KIDINS220: variants seen among roughly 807,000 people sequenced by gnomAD.
The protein encoded by KIDINS220 is kinase D interacting substrate 220, also known as kinase D-interacting substrate of 220 kDa.
KIDINS220 carries 63 observed loss-of-function variants against 157.6 expected under a neutral mutation model. The observed-to-expected ratio is 0.40, with a 90% CI of 0.33 to 0.49. The LOEUF is 0.49. KIDINS220 is among the 20% of genes least tolerant of loss of function. The pLI, the probability that KIDINS220 is intolerant of heterozygous loss-of-function variation, is 0.66. For missense variants in KIDINS220, 1,772 were observed against 2,171.2 expected, an observed-to-expected ratio of 0.82 and a Z score of 3.65; for synonymous variants, 732 against 783.6, an observed-to-expected ratio of 0.93 and a Z score of 1.10.
chr2:8,782,771 C>G (rs922689076), intron 17 of KIDINS220, among the ~76,000 whole-genome samples: 1 of 152,252 alleles, frequency 6.6e-6, no homozygotes, highest in Non-Finnish European at 1.5e-5. Flanking sequence ...ATGCAAAAAA[C>G]CTCAACAAAA....
intron 14 of KIDINS220, 68 bp downstream of exon 14, chr2:8,789,812 G>A: frequency 1.7e-6 from 2 of 1,180,660 alleles, no homozygotes; most frequent in Non-Finnish European, 2.4e-6. Context: ...TAAAGAAAAT[G>A]TTTTTTCTTT....
intron 29 of KIDINS220, among the ~76,000 whole-genome samples, chr2:8,732,978 T>A (rs759164989): frequency 1.3e-5 from 2 of 152,116 alleles, no homozygotes; most frequent in Non-Finnish European, 2.9e-5. Context: ...CGCGCCTACA[T>A]CTAATGCCAG....
chr2:8,746,903 A>G (rs907931676), intron 26 of KIDINS220: 6 of 455,070 alleles, frequency 1.3e-5, no homozygotes, highest in African/African-American at 1.2e-4. Flanking sequence ...AAGAATAAAA[A>G]AAAACCCCAT....
intron 20 of KIDINS220, among the ~76,000 whole-genome samples, chr2:8,777,810 T>G (rs1550251): frequency 0.99 from 151,384 of 152,328 alleles, 75,230 homozygotes; most frequent in Middle Eastern, 1. Flanking sequence ...GCACCCAAGG[T>G]TGCCAGGCAA....
At chr2:8,781,153 A>ATATATATAATATATATATAT (rs70946383) in intron 17 of KIDINS220, among the ~76,000 whole-genome samples, 4 of 130,394 alleles carry the variant, frequency 3.1e-5, no homozygotes, top group South Asian at 5.1e-4. Context: ...ATATATATAT[A>ATATATATAATATATATATAT]ATATATATAT....
At chr2:8,766,666 C>A (rs1315778298) in intron 22 of KIDINS220, among the ~76,000 whole-genome samples, 3 of 152,126 alleles carry the variant, frequency 2.0e-5, no homozygotes, top group Non-Finnish European at 4.4e-5. Context: ...TAAGCTTTCT[C>A]CCCTTAATTT....
downstream of KIDINS220, chr2:8,726,757 A>C (rs770319826): frequency 4.1e-5 from 17 of 415,714 alleles, no homozygotes; most frequent in Non-Finnish European, 7.4e-5. Flanking sequence ...CTAAACATAG[A>C]AAAAGGACGG....
chr2:8,731,573 C>G lies in KIDINS220; in HGVS notation c.4463G>C (p.Ser1488Thr). The change falls in exon 30 of 30, where the codon AGT (serine) becomes ACT (threonine). Residue 1488 changes from serine to threonine, a missense_variant. Around this residue, in one of 3 missense-constraint regions of KIDINS220, gnomAD observed 793 missense variants for 885.5 expected, o/e 0.90. Coordinates refer to ENST00000256707, the MANE Select transcript of KIDINS220 (RefSeq NM_020738.4). The surrounding 1 kb of genome is among the most constrained non-coding windows in gnomAD (Gnocchi z 5.2). ...AGATTTCTTGCCTGGGAGAAGCTTACTGCCTGACTGATCTGATTTTTCATC... is the reference window on the plus strand; with the variant it reads ...AGATTTCTTGCCTGGGAGAAGCTTAGTGCCTGACTGATCTGATTTTTCATC... ...EEDEKSDQSG[S>T]KLLPGKKSSE... 1.2e-6 allele frequency: 2 copies of G among 1,614,134 alleles called. No individual in the cohort carries two copies. Among genetic ancestry groups the G allele is most frequent in the Non-Finnish European group, 8.5e-7 (1 of 1,179,982 alleles).
At chr2:8,836,690 G>A (rs924576424) in intron 1 of KIDINS220, among the ~76,000 whole-genome samples, 1 of 148,694 alleles carries the variant, frequency 6.7e-6, no homozygotes, top group African/African-American at 2.5e-5. Context: ...AGGTGTAGAT[G>A]TCTGGTCCTC....
downstream of KIDINS220, among the ~76,000 whole-genome samples, chr2:8,725,768 A>G (rs1663244773): frequency 6.6e-6 from 1 of 152,372 alleles, no homozygotes; most frequent in East Asian, 1.9e-4. Flanking sequence ...AATTTGAATA[A>G]TATGGAGCAT....
intron 7 of KIDINS220, among the ~76,000 whole-genome samples, chr2:8,805,002 C>A (rs1413839685): frequency 6.6e-6 from 1 of 152,178 alleles, no homozygotes; most frequent in African/African-American, 2.4e-5. Context: ...CCCACAACCC[C>A]CTCCTTGGCT....
intron 1 of KIDINS220, among the ~76,000 whole-genome samples, chr2:8,836,835 G>A (rs1572868267): frequency 6.6e-6 from 1 of 152,188 alleles, no homozygotes; most frequent in African/African-American, 2.4e-5. Context: ...AGCAGAGATG[G>A]CTGCATAGTT....
intron 22 of KIDINS220, 52 bp from the exon 23 acceptor site, chr2:8,751,696 TA>T: frequency 1.6e-6 from 2 of 1,289,442 alleles, no homozygotes; most frequent in Non-Finnish European, 2.2e-6. Flanking sequence ...ATTAGAAAGG[TA>T]AATTCTGCAT....
downstream of KIDINS220, chr2:8,728,737 G>T: frequency 4.4e-6 from 2 of 459,292 alleles, no homozygotes; most frequent in Non-Finnish European, 5.7e-6. Context: ...GAGGCACTGG[G>T]ACTTACGAGC....
intron 2 of KIDINS220, 46 bp downstream of exon 2, chr2:8,826,940 C>A: frequency 9.1e-7 from 1 of 1,095,374 alleles, no homozygotes; most frequent in South Asian, 1.3e-5. Flanking sequence ...AGCAGGCAGT[C>A]AACAAATATT....
At chr2:8,790,083 C>A (rs777044809) in intron 13 of KIDINS220, 24 bp from the exon 14 acceptor site, 5 of 1,567,354 alleles carry the variant, frequency 3.2e-6, no homozygotes, top group Non-Finnish European at 4.3e-6. Context: ...TAATACGAAA[C>A]CTTATTCCTG....
rs1244037510 is a variant in KIDINS220, at chr2:8,729,934, C to A, written c.*786G>T. The A allele has an allele frequency of 1.0e-6, 1 of 985,184 alleles. No individual in the cohort carries two copies. The highest frequency in any genetic ancestry group is 1.2e-6 in the Non-Finnish European group (1 of 829,890). The allele number at this position is 985,184 out of a possible 1,614,324, so 61.0% of individuals were successfully genotyped here. ...TAAGCTCACTTAGAAAAGTTGGGCA[C>A]CATTTAAAAGAGTTGGAGAACAGAC... On this transcript the variant is annotated 3_prime_UTR_variant, in exon 30 of 30. Transcript: ENST00000256707.
At chr2:8,733,862 C>T (rs879493958) in intron 28 of KIDINS220, among the ~76,000 whole-genome samples, 182 bp from the exon 29 acceptor site, 12 of 152,136 alleles carry the variant, frequency 7.9e-5, no homozygotes, top group Non-Finnish European at 1.2e-4. Flanking sequence ...TTCATTAATA[C>T]TAAAGGAAGC....
intron 12 of KIDINS220, 36 bp from the exon 13 acceptor site, chr2:8,791,260 G>A: frequency 6.5e-7 from 1 of 1,538,066 alleles, no homozygotes; most frequent in Non-Finnish European, 8.9e-7. Flanking sequence ...ACATTAAACA[G>A]TGGCATTACT....
Sources: allele counts gnomAD v4.1 joint callset (sites outside exome capture counted in the v4.1 genomes callset), GRCh38; gene constraint gnomAD v4.1.1; regional missense constraint gnomAD v4.1.1; non-coding constraint Gnocchi (gnomAD v3.1); transcripts MANE v1.5; gene names NCBI Gene and HGNC (gene_info 2026-07-23, HGNC 2026-07-21).